Variants in RGS12 observed in about 807,000 individuals in gnomAD.
The protein encoded by RGS12 is regulator of G-protein signaling 12.
In RGS12, 66 loss-of-function variants were observed where a neutral mutation model predicts 120.1. The observed-to-expected ratio is 0.55, with a 90% CI of 0.45 to 0.67. The LOEUF (loss-of-function observed/expected upper bound fraction) is 0.67. Ranked by LOEUF, RGS12 falls within the 30% of genes least tolerant of loss-of-function variation. RGS12 has a pLI of 0.00. For missense variants in RGS12, 1,859 were observed against 1,957.7 expected (o/e 0.95, Z 0.95); for synonymous variants, 827 against 804.7 (o/e 1.03, Z -0.47).
chr4:3,332,680 T>A (rs969803047), intron 2 of RGS12, among the ~76,000 whole-genome samples: 1 of 152,234 alleles, frequency 6.6e-6, no homozygotes, highest in Non-Finnish European at 1.5e-5. Context: ...CTTTTCCTCA[T>A]GGACTGCGGG....
At chr4:3,286,737 C>T in the RGS12 span, among the ~76,000 whole-genome samples, 1 of 152,214 alleles carries the variant, frequency 6.6e-6, no homozygotes, top group Admixed American at 6.5e-5. Flanking sequence ...TCAGCGGGAA[C>T]GTGTTCCCAG....
chr4:3,405,900 T>C lies in RGS12; in HGVS notation c.2021-8172T>C, dbSNP rs138649530. On this transcript the variant is annotated intron_variant, in intron 4 of 17. Transcript: ENST00000336727. Reference sequence around the variant, plus strand: ...AATTTTTCTGCAAGTTTGAAATTATTTCAAAAGAAAAAGTTGCCCCCCCAA... The same window carrying C: ...AATTTTTCTGCAAGTTTGAAATTATCTCAAAAGAAAAAGTTGCCCCCCCAA... 4.1e-5 allele frequency among the ~76,000 whole-genome samples: 6 copies of C among 146,452 alleles called. No homozygotes were observed. In the East Asian group the frequency reaches 1.3e-3, roughly 33 times the overall value.
chr4:3,376,839 C>A (rs1390803942), intron 3 of RGS12, among the ~76,000 whole-genome samples: 1 of 152,180 alleles, frequency 6.6e-6, no homozygotes, highest in East Asian at 1.9e-4. Flanking sequence ...CTGCACTCAG[C>A]CTTGCCCGCC....
chr4:3,406,139 G>A (rs1318258876), intron 4 of RGS12, among the ~76,000 whole-genome samples: 1 of 152,214 alleles, frequency 6.6e-6, no homozygotes, highest in Non-Finnish European at 1.5e-5. Context: ...TGGACACGGG[G>A]ACTGAGGCCC....
chr4:3,371,667 G>A (rs974434907), intron 3 of RGS12, among the ~76,000 whole-genome samples: 10 of 152,176 alleles, frequency 6.6e-5, no homozygotes, highest in African/African-American at 2.2e-4. Context: ...GAGGCACAGC[G>A]GGTGGGTGGG....
chr4:3,333,225 A>G (rs960704448), intron 2 of RGS12, among the ~76,000 whole-genome samples: 5 of 151,878 alleles, frequency 3.3e-5, no homozygotes, highest in African/African-American at 1.2e-4. Flanking sequence ...AATTTTTTGT[A>G]TTTTTAGTAG....
At chr4:3,423,369 G>A in intron 12 of RGS12, 146 bp from the exon 13 acceptor site, 1 of 1,081,940 alleles carries the variant, frequency 9.2e-7, no homozygotes, top group South Asian at 1.4e-5. Context: ...GTGGAGGAAG[G>A]CACGTTCTGA....
In RGS12 at chr4:3,356,050, ATTTTTTTT is replaced by A. The variant is rs35966486; in HGVS notation, c.1998+13011_1998+13018del. Among the ~76,000 whole-genome samples the A allele has an allele frequency of 1.1e-4, 14 of 123,410 alleles. No homozygotes were observed. In the East Asian group the frequency reaches 2.4e-3, roughly 21 times the overall value. 81.0% of individuals were successfully genotyped at this position (123,410 alleles called of 152,430 possible). The stretch of plus-strand genomic sequence containing the variant: ...TAAAGGGCAGAGATTATCTTTTTCA[ATTTTTTTT>A]TTTTTTTTTTTTTGAGATAGCTTCT... On this transcript the variant is annotated intron_variant, in intron 3 of 17. Transcript: ENST00000336727.
chr4:3,415,755 C>T (rs549112544), intron 6 of RGS12, among the ~76,000 whole-genome samples: 21 of 152,362 alleles, frequency 1.4e-4, no homozygotes, highest in African/African-American at 1.9e-4. Flanking sequence ...TAGCATCGCC[C>T]GGGTCTTTGG....
chr4:3,287,972 T>G, the RGS12 span, among the ~76,000 whole-genome samples: 405 of 152,296 alleles, frequency 2.7e-3, 3 homozygotes, highest in African/African-American at 9.5e-3. Context: ...GCCAGCCCCT[T>G]CGCTCCATCC....
At chr4:3,439,216 G>T (rs576973033) in intron 17 of RGS12, among the ~76,000 whole-genome samples, 3 of 152,054 alleles carry the variant, frequency 2.0e-5, no homozygotes, top group Middle Eastern at 3.2e-3. Flanking sequence ...GAGTGGGTCG[G>T]CTCCCCCACT....
At chr4:3,319,344 C>T (rs925819604) in intron 2 of RGS12, among the ~76,000 whole-genome samples, 2 of 152,150 alleles carry the variant, frequency 1.3e-5, no homozygotes, top group Non-Finnish European at 1.5e-5. Flanking sequence ...CGTTTTATCT[C>T]CTCAAAATGA....
intron 3 of RGS12, among the ~76,000 whole-genome samples, chr4:3,376,964 A>C (rs1393634886): frequency 6.6e-6 from 1 of 152,130 alleles, no homozygotes; most frequent in Non-Finnish European, 1.5e-5. Context: ...TGAATGATGA[A>C]ATTTTAAAAG....
intron 2 of RGS12, among the ~76,000 whole-genome samples, chr4:3,322,893 G>A (rs1200679176): frequency 6.6e-6 from 1 of 152,186 alleles, no homozygotes; most frequent in African/African-American, 2.4e-5. Context: ...CCCGCAGAAG[G>A]TTGGATTTGC....
chr4:3,379,282 G>A (rs944033452), intron 3 of RGS12, among the ~76,000 whole-genome samples: 1 of 152,160 alleles, frequency 6.6e-6, no homozygotes, highest in African/African-American at 2.4e-5. Context: ...GAGACCTGAT[G>A]TACAGCTTGG....
chr4:3,391,461 G>A (rs1305990132), intron 4 of RGS12, among the ~76,000 whole-genome samples: 1 of 152,204 alleles, frequency 6.6e-6, no homozygotes, highest in East Asian at 1.9e-4. Flanking sequence ...ACGTGTGCTA[G>A]CCAGGGGGCC....
At chr4:3,434,231 C>T (rs1469492545) in intron 17 of RGS12, among the ~76,000 whole-genome samples, 1 of 152,144 alleles carries the variant, frequency 6.6e-6, no homozygotes, top group Non-Finnish European at 1.5e-5. Context: ...ATGCCAGACG[C>T]TTATAAAACC....
At chr4:3,364,554 C>T (rs781414392) in intron 3 of RGS12, among the ~76,000 whole-genome samples, 2 of 151,970 alleles carry the variant, frequency 1.3e-5, no homozygotes, top group Non-Finnish European at 2.9e-5. Context: ...TGTCCAGGGG[C>T]TCGTGGCCCC....
chr4:3,302,441 T>G (rs747549017), intron 1 of RGS12, among the ~76,000 whole-genome samples: 13 of 152,206 alleles, frequency 8.5e-5, no homozygotes, highest in Non-Finnish European at 1.3e-4. Context: ...GTGTGGTGCT[T>G]CTGCAGGATT....
Sources: allele counts gnomAD v4.1 joint callset (sites outside exome capture counted in the v4.1 genomes callset), GRCh38; gene constraint gnomAD v4.1.1; transcripts MANE v1.5; gene names NCBI Gene and HGNC (gene_info 2026-07-23, HGNC 2026-07-21).